Variants in SUPT3H observed in about 807,000 individuals in gnomAD.
The protein encoded by SUPT3H is transcription initiation protein SPT3 homolog.
Under a neutral mutation model 44.3 loss-of-function variants are expected in SUPT3H, and 44 were observed. The ratio of observed to expected loss-of-function variants is 0.99; its 90% CI spans 0.78 to 1.28. The LOEUF (loss-of-function observed/expected upper bound fraction) is 1.28. SUPT3H is among the 50% of genes most tolerant of loss of function. The pLI is 0.00. For missense variants in SUPT3H, 380 were observed against 387.1 expected, an observed-to-expected ratio of 0.98 and a Z score of 0.15; for synonymous variants, 124 against 125.6, an observed-to-expected ratio of 0.99 and a Z score of 0.09.
At chr6:44,908,047 A>G (rs1431676657) in intron 10 of SUPT3H, among the ~76,000 whole-genome samples, 1 of 152,148 alleles carries the variant, frequency 6.6e-6, no homozygotes, top group Non-Finnish European at 1.5e-5. Context: ...CATTTCATTG[A>G]CCTTCTCAAG....
intron 2 of SUPT3H, among the ~76,000 whole-genome samples, chr6:45,156,680 A>G (rs1807872123): frequency 6.6e-6 from 1 of 150,890 alleles, no homozygotes; most frequent in East Asian, 1.9e-4. Context: ...TAAGTTTATG[A>G]GTATAACAAG....
chr6:44,964,565 A>G (rs1318005699), intron 6 of SUPT3H, among the ~76,000 whole-genome samples: 1 of 152,204 alleles, frequency 6.6e-6, no homozygotes, highest in Non-Finnish European at 1.5e-5. Context: ...TATTTCAAAG[A>G]TATCCATAAA....
chr6:45,240,752 C>T (rs1770144255), intron 2 of SUPT3H, among the ~76,000 whole-genome samples: 1 of 152,108 alleles, frequency 6.6e-6, no homozygotes, highest in Non-Finnish European at 1.5e-5. Flanking sequence ...AAAAATACGG[C>T]AAGTTCCTAT....
At chr6:45,020,465 T>C (rs2153517757) in intron 4 of SUPT3H, 81 bp downstream of exon 4, 1 of 1,037,940 alleles carries the variant, frequency 9.6e-7, no homozygotes, top group Non-Finnish European at 1.4e-6. Flanking sequence ...GAAAGGTACA[T>C]AACAAGGATA....
rs1006942862 is a variant in SUPT3H at position 45,236,475 on chromosome 6, C to A, written c.101+128726G>T. On this transcript the variant is annotated intron_variant, in intron 2 of 10. Coordinates refer to ENST00000371459, the MANE Select transcript of SUPT3H (RefSeq NM_003599.4). ...AGGAGAGTATAACAAAGTAACAGAG[C>A]AGGTTTGTTTGCCAGGTAAAGCTAA... Among the ~76,000 whole-genome samples the A allele has an allele frequency of 2.0e-5, 3 of 151,994 alleles. No individual in the cohort carries two copies. The East Asian group carries it at 5.8e-4, about 29-fold the overall frequency.
At chr6:45,015,261 C>T (rs929164431) in intron 4 of SUPT3H, among the ~76,000 whole-genome samples, 1 of 152,050 alleles carries the variant, frequency 6.6e-6, no homozygotes, top group Admixed American at 6.6e-5. Flanking sequence ...CTACATGGTG[C>T]GGCCTACTAT....
At chr6:45,033,689 C>T (rs1272954687) in intron 3 of SUPT3H, among the ~76,000 whole-genome samples, 2 of 152,108 alleles carry the variant, frequency 1.3e-5, no homozygotes, top group Non-Finnish European at 2.9e-5. Context: ...AAGTTAACAT[C>T]TTTCTAAAGT....
chr6:45,024,534 C>G (rs1355234490), intron 3 of SUPT3H, among the ~76,000 whole-genome samples: 2 of 152,160 alleles, frequency 1.3e-5, no homozygotes, highest in Non-Finnish European at 2.9e-5. Context: ...TCGAATGATT[C>G]ACATATTTTC....
At chr6:45,027,601 C>T (rs185599563) in intron 3 of SUPT3H, among the ~76,000 whole-genome samples, 2 of 152,118 alleles carry the variant, frequency 1.3e-5, no homozygotes, top group African/African-American at 4.8e-5. Flanking sequence ...TGTTGTATTC[C>T]TTTGAAGATT....
At chr6:45,145,970 C>T (rs1308749090) in intron 2 of SUPT3H, among the ~76,000 whole-genome samples, 1 of 152,052 alleles carries the variant, frequency 6.6e-6, no homozygotes, top group Non-Finnish European at 1.5e-5. Context: ...AATGAGATAC[C>T]ACCTTACTCC....
At chr6:45,188,834 T>G (rs968484742) in intron 2 of SUPT3H, among the ~76,000 whole-genome samples, 4 of 152,226 alleles carry the variant, frequency 2.6e-5, no homozygotes, top group Non-Finnish European at 4.4e-5. Flanking sequence ...GGTACTCATT[T>G]TTATAGGTAG....
intron 3 of SUPT3H, among the ~76,000 whole-genome samples, chr6:45,021,133 CAGTGG>C (rs1055661952): frequency 5.3e-5 from 8 of 151,876 alleles, no homozygotes; most frequent in African/African-American, 9.7e-5. Flanking sequence ...GGCAAGTCTT[CAGTGG>C]GTAAAGGATT....
At chr6:44,890,749 A>AC (rs1380796280) in intron 10 of SUPT3H, among the ~76,000 whole-genome samples, 1 of 141,270 alleles carries the variant, frequency 7.1e-6, no homozygotes, top group Non-Finnish European at 1.6e-5. Flanking sequence ...CCTAAAACTT[A>AC]AAGTATAATA....
Position 45,116,078 on chromosome 6 carries a change from C to T in SUPT3H, c.102-10072G>A, listed in dbSNP as rs375482842. On this transcript the variant is annotated intron_variant, in intron 2 of 10. Transcript: ENST00000371459. ...TCCTTGCTAACAAACTGTGCTTGAC[C>T]GGCATGTATCTCTCCTTTATGATAA... Among the ~76,000 whole-genome samples, 7 of 152,264 alleles carry T rather than the reference C, an allele frequency of 4.6e-5. No individual in the cohort carries two copies. In the East Asian group the frequency reaches 5.8e-4, roughly 13 times the overall value.
intron 10 of SUPT3H, among the ~76,000 whole-genome samples, chr6:44,929,832 G>GAC (rs1413748632): frequency 4.7e-4 from 71 of 150,518 alleles, no homozygotes; most frequent in African/African-American, 1.7e-3. Flanking sequence ...CCGCGTTATT[G>GAC]ACACACACAG....
Position 45,107,969 on chromosome 6 carries a change from T to C in SUPT3H, c.102-1963A>G, listed in dbSNP as rs143646306. ...TTTTTGAAAAAGTACTAAACAGAAA[T>C]AGAAATGAAAAATATAATAGCATTT... is the stretch of plus-strand genomic sequence containing the variant. On this transcript the variant is annotated intron_variant, in intron 2 of 10. Coordinates refer to ENST00000371459, the MANE Select transcript of SUPT3H (RefSeq NM_003599.4). Among the ~76,000 whole-genome samples, 12 of 152,094 alleles carry C rather than the reference T, an allele frequency of 7.9e-5. No individual in the cohort carries two copies. In the East Asian group the frequency reaches 2.3e-3, roughly 29 times the overall value.
At chr6:45,259,881 G>A (rs1774071159) in intron 2 of SUPT3H, among the ~76,000 whole-genome samples, 2 of 152,066 alleles carry the variant, frequency 1.3e-5, no homozygotes, top group Admixed American at 6.6e-5. Context: ...GTATGTCACA[G>A]GTAAATTATA....
chr6:44,921,665 C>T (rs1462588652), intron 10 of SUPT3H, among the ~76,000 whole-genome samples: 1 of 152,046 alleles, frequency 6.6e-6, no homozygotes, highest in African/African-American at 2.4e-5. Context: ...TAGGATCTTA[C>T]CTAATTAGTC....
chr6:44,817,093 T>C (rs1766963090), intron 11 of SUPT3H, among the ~76,000 whole-genome samples: 1 of 112,652 alleles, frequency 8.9e-6, no homozygotes, highest in African/African-American at 3.1e-5. Context: ...TATATATAAA[T>C]ATACACATAC....
Sources: allele counts gnomAD v4.1 joint callset (sites outside exome capture counted in the v4.1 genomes callset), GRCh38; gene constraint gnomAD v4.1.1; transcripts MANE v1.5; gene names NCBI Gene and HGNC (gene_info 2026-07-23, HGNC 2026-07-21).